SNTB2: variants seen among roughly 807,000 people sequenced by gnomAD.
SNTB2 encodes the protein syntrophin beta 2, also known as beta-2-syntrophin.
A neutral mutation model predicts 46.2 loss-of-function variants in SNTB2; 34 were observed. The ratio of observed to expected loss-of-function variants is 0.74; its 90% CI spans 0.56 to 0.98. SNTB2 has a LOEUF of 0.98. Ranked by LOEUF, SNTB2 falls within the 50% of genes least tolerant of loss-of-function variation. SNTB2 has a pLI of 0.00. For synonymous variants in SNTB2, 290 were observed against 312.6 expected (o/e 0.93, Z 0.76); for missense variants, 603 against 731.4 (o/e 0.82, Z 2.02).
intron 1 of SNTB2, among the ~76,000 whole-genome samples, chr16:69,230,648 A>G (rs1257814293): frequency 6.6e-6 from 1 of 151,932 alleles, no homozygotes; most frequent in African/African-American, 2.4e-5. Flanking sequence ...GGCATGAGCC[A>G]CTGCGCCTGG....
chr16:69,281,485 GTTTT>G (rs575825315), intron 4 of SNTB2, among the ~76,000 whole-genome samples: 6 of 135,838 alleles, frequency 4.4e-5, no homozygotes, highest in African/African-American at 1.6e-4. Flanking sequence ...GTAAGGTCTG[GTTTT>G]TTTTTTTTTG....
intron 3 of SNTB2, among the ~76,000 whole-genome samples, chr16:69,266,394 A>C (rs149796353): frequency 7.2e-4 from 109 of 152,198 alleles, no homozygotes; most frequent in African/African-American, 2.1e-3. Flanking sequence ...CAAAACAAAA[A>C]AAAGTTAAGG....
At chr16:69,279,515 CTTTTTTTTTTTT>C (rs57637291) in intron 4 of SNTB2, among the ~76,000 whole-genome samples, 2 of 71,736 alleles carry the variant, frequency 2.8e-5, no homozygotes, top group South Asian at 4.5e-4. Flanking sequence ...GTCCTTTGCC[CTTTTTTTTTTTT>C]TTTTTTTTTT....
chr16:69,258,735 C>T (rs1030566765), intron 2 of SNTB2, among the ~76,000 whole-genome samples: 18 of 151,536 alleles, frequency 1.2e-4, no homozygotes, highest in African/African-American at 4.4e-4. Context: ...CCTCAGCCTC[C>T]TCAGTAGCTG....
Position 69,253,178 on chromosome 16 carries a change from C to T in SNTB2, c.795-6872C>T, listed in dbSNP as rs553748201. On this transcript the variant is annotated intron_variant, in intron 2 of 6. Coordinates refer to ENST00000336278, the MANE Select transcript of SNTB2 (RefSeq NM_006750.4). ...CCTCCCAAAGTGCTGGGATTACAGG[C>T]GTGAGCCACCACACCTGGCCCCCTT... Among the ~76,000 whole-genome samples, 1,342 of 150,952 alleles carry T rather than the reference C, an allele frequency of 8.9e-3. 16 individuals are homozygous for T. The highest frequency in any genetic ancestry group is 0.015 in the South Asian group (70 of 4,736).
At chr16:69,199,365 G>A (rs891958185) in intron 1 of SNTB2, among the ~76,000 whole-genome samples, 1 of 151,914 alleles carries the variant, frequency 6.6e-6, no homozygotes, top group Non-Finnish European at 1.5e-5. Context: ...CAGATAAATC[G>A]GCTTTTGCTC....
intron 5 of SNTB2, among the ~76,000 whole-genome samples, chr16:69,291,640 T>C (rs1171024398): frequency 6.6e-6 from 1 of 152,090 alleles, no homozygotes; most frequent in Non-Finnish European, 1.5e-5. Flanking sequence ...GCCCAGGAGT[T>C]TGAGGCTGCG....
At chr16:69,197,639 A>T (rs2152289349) in intron 1 of SNTB2, among the ~76,000 whole-genome samples, 1 of 152,242 alleles carries the variant, frequency 6.6e-6, no homozygotes, top group African/African-American at 2.4e-5. Context: ...CTTTTGGAAA[A>T]CACCAGTTTT....
intron 2 of SNTB2, 69 bp downstream of exon 2, chr16:69,245,884 A>G: frequency 1.4e-6 from 2 of 1,471,694 alleles, no homozygotes; most frequent in Non-Finnish European, 1.9e-6. Context: ...GCAGTATTAT[A>G]TGACTCTGTT....
intron 1 of SNTB2, among the ~76,000 whole-genome samples, chr16:69,190,737 G>GA (rs1193638050): frequency 1.3e-5 from 2 of 152,192 alleles, no homozygotes; most frequent in Non-Finnish European, 2.9e-5. Flanking sequence ...GGGTAGAGTA[G>GA]AAGCAAGGAC....
intron 3 of SNTB2, among the ~76,000 whole-genome samples, chr16:69,263,039 A>G (rs1001204695): frequency 1.3e-5 from 2 of 151,302 alleles, no homozygotes; most frequent in Non-Finnish European, 2.9e-5. Context: ...ACTTTGTACC[A>G]TTTGACCAAC....
In SNTB2 at chr16:69,304,320, G is replaced by C. The variant is rs1393138014; in HGVS notation, c.*3396G>C. ...ACCTCCCTAGTAGATAAGAGTTTCA[G>C]GTTAAATACTGGAACATATATAGGC... On this transcript the variant is annotated 3_prime_UTR_variant, in exon 7 of 7. Coordinates refer to ENST00000336278, the MANE Select transcript of SNTB2 (RefSeq NM_006750.4). 2 of 152,508 alleles carry C rather than the reference G, an allele frequency of 1.3e-5. No homozygotes were observed. The highest frequency in any genetic ancestry group is 4.1e-4 in the South Asian group (2 of 4,826). The allele number at this position is 152,508 out of a possible 1,614,324, so 9.4% of individuals were successfully genotyped here.
chr16:69,279,515 CTT>C (rs57637291), intron 4 of SNTB2, among the ~76,000 whole-genome samples: 751 of 71,550 alleles, frequency 0.01, 2 homozygotes, highest in African/African-American at 0.048. Context: ...GTCCTTTGCC[CTT>C]TTTTTTTTTT....
Position 69,269,115 on chromosome 16 carries a change from G to A in SNTB2, c.1006-1028G>A, listed in dbSNP as rs528243873. ...ACCCGGGAGGCTGAGACTGCAGTAA[G>A]CCGAGATCGCACCATTGCACTCCAG... On this transcript the variant is annotated intron_variant, in intron 3 of 6. Coordinates refer to ENST00000336278, the MANE Select transcript of SNTB2 (RefSeq NM_006750.4). 2.0e-5 allele frequency among the ~76,000 whole-genome samples: 3 copies of A among 151,810 alleles called. No homozygotes were observed. In the South Asian group the frequency reaches 6.3e-4, roughly 32 times the overall value.
chr16:69,202,076 A>AAG (rs1465715540), intron 1 of SNTB2, among the ~76,000 whole-genome samples: 1 of 152,144 alleles, frequency 6.6e-6, no homozygotes, highest in African/African-American at 2.4e-5. Flanking sequence ...GTTTAGCTGT[A>AAG]CCTTTTTGTC....
chr16:69,293,479 T>C (rs1171574039), intron 5 of SNTB2, among the ~76,000 whole-genome samples: 59 of 152,306 alleles, frequency 3.9e-4, no homozygotes, highest in Non-Finnish European at 1.8e-4. Flanking sequence ...ATTGATGTCC[T>C]TGGGGAGAGA....
chr16:69,235,217 T>G (rs1474868148), intron 1 of SNTB2, among the ~76,000 whole-genome samples: 1 of 151,734 alleles, frequency 6.6e-6, no homozygotes, highest in African/African-American at 2.4e-5. Flanking sequence ...ATTACAGGCA[T>G]GAGCCACCGT....
chr16:69,298,512 CTTTT>C (rs34908270), intron 5 of SNTB2, among the ~76,000 whole-genome samples: 8 of 78,124 alleles, frequency 1.0e-4, no homozygotes, highest in Non-Finnish European at 1.8e-4. Context: ...TTTACCAATT[CTTTT>C]TTTTTTTTTT....
chr16:69,204,334 A>G (rs529148363), intron 1 of SNTB2, among the ~76,000 whole-genome samples: 2 of 152,374 alleles, frequency 1.3e-5, no homozygotes, highest in Non-Finnish European at 2.9e-5. Flanking sequence ...TAGGCTTGCT[A>G]GAAGCACCAG....
Sources: gnomAD v4.1 joint callset for allele counts (sites outside exome capture counted in the v4.1 genomes callset) on GRCh38, gnomAD v4.1.1 for gene constraint, MANE v1.5 for transcripts, NCBI Gene and HGNC (gene_info 2026-07-23, HGNC 2026-07-21) for gene names.